The following FBN1 variants were observed in gnomAD, a reference collection of about 807,000 sequenced individuals.
FBN1 encodes the protein fibrillin 1, also known as fibrillin-1.
Under a neutral mutation model 365.1 loss-of-function variants are expected in FBN1, and 29 were observed. The ratio of observed to expected loss-of-function variants is 0.08; its 90% CI spans 0.06 to 0.11. FBN1 has a LOEUF of 0.11. FBN1 is among the 10% of genes least tolerant of loss of function. The probability of loss-of-function intolerance (pLI) is 1.00; values close to 1 mark genes in which losing one functional copy is unlikely to be tolerated. For synonymous variants in FBN1, 1,210 were observed against 1,270.5 expected, an observed-to-expected ratio of 0.95 and a Z score of 1.01; for missense variants, 2,476 against 3,703.2, an observed-to-expected ratio of 0.67 and a Z score of 8.60.
At chr15:48,498,489 T>C (rs868036299) in intron 18 of FBN1, among the ~76,000 whole-genome samples, 2 of 152,220 alleles carry the variant, frequency 1.3e-5, no homozygotes, top group African/African-American at 4.8e-5. Flanking sequence ...ATGGCACCAA[T>C]ATTTCTCTAG....
At position 48,465,532 on chromosome 15, in the gene FBN1, T is replaced by C. The variant is rs1242218193; in HGVS notation, c.4942+36A>G. On this transcript the variant is annotated intron_variant, in intron 40 of 65. Coordinates refer to ENST00000316623, the MANE Select transcript of FBN1 (RefSeq NM_000138.5). ...TGGTTTTGCAGGTCAGTTCTTGATA[T>C]CTGCAAGACCTTATCATCCTACCAG... 15 of 1,612,778 alleles carry C rather than the reference T, an allele frequency of 9.3e-6. No homozygotes were observed. In the South Asian group the frequency reaches 1.5e-4, roughly 17 times the overall value.
intron 14 of FBN1, 106 bp from the exon 15 acceptor site, chr15:48,508,810 T>G: frequency 7.3e-7 from 1 of 1,372,480 alleles, no homozygotes; most frequent in Non-Finnish European, 1.0e-6. Flanking sequence ...TTTCTTTTTG[T>G]TATTACAGCC....
intron 4 of FBN1, among the ~76,000 whole-genome samples, chr15:48,606,483 C>T (rs1351713341): frequency 2.0e-5 from 3 of 152,092 alleles, no homozygotes; most frequent in Admixed American, 6.5e-5. Flanking sequence ...AAGCCACTTC[C>T]AAAAGGTTAC....
Position 48,619,121 on chromosome 15 carries a change from G to A in FBN1, c.165-6029C>T, listed in dbSNP as rs567075111. Among the ~76,000 whole-genome samples, 143 of 152,132 alleles carry A rather than the reference G, an allele frequency of 9.4e-4. 2 individuals are homozygous for A. The highest frequency in any genetic ancestry group is 1.5e-3 in the South Asian group (7 of 4,822). On this transcript the variant is annotated intron_variant, in intron 2 of 65. Coordinates refer to ENST00000316623, the MANE Select transcript of FBN1 (RefSeq NM_000138.5). The stretch of plus-strand genomic sequence containing the variant: ...GGTCCGTGGAAAAGTTATGTTCCAC[G>A]AAACCAGTCCCTGATACCGAAAAGG...
chr15:48,523,503 A>G (rs1385611146), intron 9 of FBN1, among the ~76,000 whole-genome samples: 1 of 152,200 alleles, frequency 6.6e-6, no homozygotes, highest in Non-Finnish European at 1.5e-5. Context: ...TATAATAATA[A>G]TTTTTCTAAT....
At chr15:48,417,185 C>G (rs1261201610) in intron 63 of FBN1, among the ~76,000 whole-genome samples, 1 of 152,176 alleles carries the variant, frequency 6.6e-6, no homozygotes, top group East Asian at 1.9e-4. Flanking sequence ...ATTAGTTTAC[C>G]TTCTTTGCTA....
At chr15:48,542,832 T>TGTG (rs1491435027) in intron 6 of FBN1, among the ~76,000 whole-genome samples, 1 of 147,902 alleles carries the variant, frequency 6.8e-6, no homozygotes, top group Non-Finnish European at 1.5e-5. Flanking sequence ...TGTGTGTGTA[T>TGTG]TTTTTTTCCT....
chr15:48,564,900 A>G (rs2044248590), intron 6 of FBN1, among the ~76,000 whole-genome samples: 1 of 152,224 alleles, frequency 6.6e-6, no homozygotes, highest in Admixed American at 6.5e-5. Context: ...GCCTAACTCC[A>G]GAGGTAATGA....
In FBN1 at chr15:48,444,532, C is replaced by T; in HGVS notation, c.6037+9G>A. The T allele has an allele frequency of 1.2e-6, 2 of 1,613,294 alleles. No homozygotes were observed. Among genetic ancestry groups the T allele is most frequent in the Non-Finnish European group, 1.7e-6 (2 of 1,179,442 alleles). On this transcript the variant is annotated intron_variant, in intron 49 of 65. Transcript: ENST00000316623. ...ACTCCTCATTTGCTACAACTGATAG[C>T]TTTCCTACCTTCACACTTCTCATTT...
At chr15:48,567,731 T>A (rs2044267892) in intron 6 of FBN1, among the ~76,000 whole-genome samples, 1 of 152,136 alleles carries the variant, frequency 6.6e-6, no homozygotes, top group South Asian at 2.1e-4. Flanking sequence ...TCTCAATAGA[T>A]ATAGACCAAG....
chr15:48,610,264 C>A (rs916989312), intron 4 of FBN1, among the ~76,000 whole-genome samples: 12 of 152,174 alleles, frequency 7.9e-5, no homozygotes, highest in African/African-American at 2.7e-4. Flanking sequence ...TAAATCACCC[C>A]CAGAAACTTC....
intron 6 of FBN1, among the ~76,000 whole-genome samples, chr15:48,585,801 C>T (rs2044431264): frequency 6.6e-6 from 1 of 152,120 alleles, no homozygotes; most frequent in South Asian, 2.1e-4. Flanking sequence ...TGATGGGACT[C>T]ATAAACCAAA....
chr15:48,411,466 A>G (rs991701412), intron 65 of FBN1, 87 bp from the exon 66 acceptor site: 1 of 1,258,862 alleles, frequency 7.9e-7, no homozygotes. Flanking sequence ...CAAATTTCAC[A>G]CTAATACAAT....
At chr15:48,437,622 A>T (rs771529929) in intron 51 of FBN1, 146 bp downstream of exon 51, 88 of 971,118 alleles carry the variant, frequency 9.1e-5, no homozygotes, top group Non-Finnish European at 1.3e-4. Flanking sequence ...CAAGCTCCTG[A>T]GATAAAATAA....
At chr15:48,592,687 T>C (rs925684831) in intron 6 of FBN1, among the ~76,000 whole-genome samples, 1 of 151,962 alleles carries the variant, frequency 6.6e-6, no homozygotes, top group Non-Finnish European at 1.5e-5. Context: ...TTAAAGAAAC[T>C]TGTGGTTAAA....
rs1296748097 is a variant in FBN1 at position 48,495,112 on chromosome 15, G to A, written c.2677+11C>T. ...GAGTGGTATAGGAACCACAGCATGGGTTTCTCTTACCAACTTGGCATAGGG... is the reference window on the plus strand; with the variant it reads ...GAGTGGTATAGGAACCACAGCATGGATTTCTCTTACCAACTTGGCATAGGG... On this transcript the variant is annotated intron_variant, in intron 22 of 65. Transcript: ENST00000316623. 8 of 1,614,016 alleles carry A rather than the reference G, an allele frequency of 5.0e-6. No homozygotes were observed. Among genetic ancestry groups the A allele is most frequent in the Non-Finnish European group, 6.8e-6 (8 of 1,179,936 alleles).
At position 48,412,626 on chromosome 15, in the gene FBN1, G is replaced by A. The variant is rs768231402; in HGVS notation, c.8169C>T (p.Tyr2723=). 6.2e-7 allele frequency: 1 copy of A among 1,614,240 alleles called. No individual in the cohort carries two copies. Among genetic ancestry groups the A allele is most frequent in the Non-Finnish European group, 8.5e-7 (1 of 1,180,038 alleles). ...TTCTCCGTTTCCTGCCCCGTTTGGGGTAGCCATTGATCTTACACTCGTAAC... is the reference window on the plus strand; with the variant it reads ...TTCTCCGTTTCCTGCCCCGTTTGGGATAGCCATTGATCTTACACTCGTAAC... The part of the protein sequence containing the change: ...EACYECKING[Y]PKRGRKRRST... The change falls in exon 65 of 66, where the codon TAC becomes TAT. Residue 2723 remains tyrosine (Y), a synonymous_variant. Transcript: ENST00000316623.
intron 50 of FBN1, among the ~76,000 whole-genome samples, chr15:48,440,899 T>TG (rs1555395422): frequency 2.2e-5 from 3 of 133,852 alleles, no homozygotes; most frequent in Admixed American, 7.2e-5. Flanking sequence ...CAAAAAACCA[T>TG]GAAAAAAAAA....
intron 43 of FBN1, 81 bp from the exon 44 acceptor site, chr15:48,456,843 C>CGTGCGTGTGTGTGTGTGTGTGTGT (rs6145556): frequency 1.5e-6 from 1 of 682,596 alleles, no homozygotes; most frequent in African/African-American, 1.9e-5. Flanking sequence ...AAAGTGCGTG[C>CGTGCGTGTGTGTGTGTGTGTGTGT]GTGTGTGTGT....
Sources: allele counts gnomAD v4.1 joint callset (sites outside exome capture counted in the v4.1 genomes callset), GRCh38; gene constraint gnomAD v4.1.1; transcripts MANE v1.5; gene names NCBI Gene and HGNC (gene_info 2026-07-23, HGNC 2026-07-21).